FAT3: variants seen among roughly 807,000 people sequenced by gnomAD.
FAT3 encodes FAT atypical cadherin 3, also known as protocadherin Fat 3.
FAT3 carries 95 observed loss-of-function variants against 310.2 expected under a neutral mutation model. The observed-to-expected ratio is 0.31, with a 90% confidence interval of 0.26 to 0.36. FAT3 has a LOEUF of 0.36. FAT3 is among the 10% of genes least tolerant of loss of function. FAT3 has a pLI of 1.00. For synonymous variants in FAT3, 2,314 were observed against 2,192.9 expected (o/e 1.06, Z -1.54); for missense variants, 5,408 against 5,715.6 (o/e 0.95, Z 1.74).
chr11:92,411,390 G>A (rs1024148042), intron 2 of FAT3, among the ~76,000 whole-genome samples: 1 of 151,856 alleles, frequency 6.6e-6, no homozygotes, highest in Non-Finnish European at 1.5e-5. Flanking sequence ...GCCCAGAGAA[G>A]TACAGATGCA....
intron 3 of FAT3, among the ~76,000 whole-genome samples, chr11:92,534,173 G>A (rs1289377862): frequency 6.6e-6 from 1 of 152,068 alleles, no homozygotes; most frequent in Non-Finnish European, 1.5e-5. Flanking sequence ...AGTATGAAGG[G>A]ATGGTGGAAA....
chr11:92,564,663 G>C (rs1311318723), intron 3 of FAT3, among the ~76,000 whole-genome samples: 10 of 152,068 alleles, frequency 6.6e-5, no homozygotes, highest in African/African-American at 9.7e-5. Flanking sequence ...AAATGTAAAA[G>C]AACAGAAGTT....
chr11:92,469,921 T>G (rs1951864738), intron 2 of FAT3, among the ~76,000 whole-genome samples: 1 of 152,206 alleles, frequency 6.6e-6, no homozygotes, highest in Admixed American at 6.5e-5. Context: ...ACTTTAGAGT[T>G]TTGTTTCATT....
intron 13 of FAT3, among the ~76,000 whole-genome samples, chr11:92,829,561 C>G (rs1023387762): frequency 6.6e-6 from 1 of 152,096 alleles, no homozygotes; most frequent in South Asian, 2.1e-4. Context: ...CTATGCAACC[C>G]GTGTGTGTAT....
At chr11:92,367,161 C>A in intron 2 of FAT3, 1 of 384,512 alleles carries the variant, frequency 2.6e-6, no homozygotes, top group South Asian at 2.2e-5. Flanking sequence ...CTGCTGGGCT[C>A]AGGTTGGCAT....
rs764886682 is a variant in FAT3, at chr11:92,867,000, C to G, written c.11918C>G (p.Thr3973Arg). The G allele has an allele frequency of 3.7e-6, 6 of 1,604,650 alleles. No individual in the cohort carries two copies. The highest frequency in any genetic ancestry group is 2.7e-5 in the African/African-American group (2 of 74,798). ...GATAACATCCGCAGCCTGACTGACA[C>G]GCGGGTCACGCAGGTGCTCAGCGGC... ...QADNIRSLTD[T>R]RVTQVLSGFQ... is the part of the protein sequence containing the mutation. Residue 3973 changes from threonine to arginine, a missense_variant, in exon 22 of 28, where the codon ACG becomes AGG. Coordinates refer to ENST00000525166, the MANE Select transcript of FAT3 (RefSeq NM_001367949.2).
At chr11:92,569,091 C>G (rs1955579454) in intron 3 of FAT3, among the ~76,000 whole-genome samples, 2 of 152,106 alleles carry the variant, frequency 1.3e-5, no homozygotes, top group African/African-American at 2.4e-5. Context: ...TGCTTATTTC[C>G]AAGCCCTCTG....
chr11:92,748,107 G>T (rs1008846406), intron 4 of FAT3, among the ~76,000 whole-genome samples: 9 of 152,144 alleles, frequency 5.9e-5, no homozygotes, highest in Non-Finnish European at 1.0e-4. Context: ...CTCAAGGCTG[G>T]GTAATTTATA....
intron 3 of FAT3, among the ~76,000 whole-genome samples, chr11:92,612,959 G>T (rs186815216): frequency 6.6e-6 from 1 of 152,340 alleles, no homozygotes; most frequent in Admixed American, 6.5e-5. Context: ...TGCTATGCCA[G>T]TGTTGGGAGG....
intron 2 of FAT3, among the ~76,000 whole-genome samples, chr11:92,432,505 C>T (rs1025432713): frequency 1.5e-4 from 23 of 152,172 alleles, no homozygotes; most frequent in Admixed American, 1.0e-3. Context: ...AGTTTTTCTT[C>T]TAACAGTCAG....
At chr11:92,655,410 C>A (rs570584212) in intron 3 of FAT3, among the ~76,000 whole-genome samples, 2 of 152,288 alleles carry the variant, frequency 1.3e-5, no homozygotes, top group East Asian at 3.9e-4. Flanking sequence ...CTGGACCTAT[C>A]ACTTTGGGAC....
At chr11:92,313,886 T>G (rs2134464473) in intron 1 of FAT3, among the ~76,000 whole-genome samples, 1 of 152,340 alleles carries the variant, frequency 6.6e-6, no homozygotes. Context: ...GTAAGCCACT[T>G]GGTTTTTACT....
chr11:92,826,352 T>C (rs2136245479), intron 13 of FAT3, among the ~76,000 whole-genome samples: 1 of 152,278 alleles, frequency 6.6e-6, no homozygotes, highest in East Asian at 1.9e-4. Flanking sequence ...AATCTAAACA[T>C]ACTTGTGGTA....
chr11:92,809,992 TC>T lies in FAT3; in HGVS notation c.9398del (p.Ser3133LeufsTer18). The T allele has an allele frequency of 6.2e-7, 1 of 1,613,956 alleles. No individual in the cohort carries two copies. Among genetic ancestry groups the T allele is most frequent in the Non-Finnish European group, 8.5e-7 (1 of 1,179,848 alleles). On this transcript the variant is annotated frameshift_variant, in exon 13 of 28. Coordinates refer to ENST00000525166, the MANE Select transcript of FAT3 (RefSeq NM_001367949.2). LOFTEE classifies it high-confidence loss of function. ...GAATGATAACCCCCCTGTGTTTTCT[TC>T]TGACCACTACAACACCTGTGTCTAT... Reference protein sequence around the residue: ...DVNDNPPVFSSDHYNTCVYEN... With the variant: ...DVNDNPPVFSXDHYNTCVYEN...
At chr11:92,747,182 C>G (rs1945696155) in intron 4 of FAT3, among the ~76,000 whole-genome samples, 1 of 151,548 alleles carries the variant, frequency 6.6e-6, no homozygotes. Flanking sequence ...CAGCAAACTT[C>G]TGCCTGGACA....
chr11:92,775,793 C>A (rs1300472986), intron 7 of FAT3, among the ~76,000 whole-genome samples: 1 of 152,162 alleles, frequency 6.6e-6, no homozygotes, highest in African/African-American at 2.4e-5. Context: ...TTCTGACATG[C>A]AGCCAGGGTC....
chr11:92,431,227 A>G (rs1198652031), intron 2 of FAT3, among the ~76,000 whole-genome samples: 1 of 152,108 alleles, frequency 6.6e-6, no homozygotes, highest in Non-Finnish European at 1.5e-5. Context: ...ATGATATCTC[A>G]TTGTGGTTTT....
At chr11:92,671,531 C>T (rs901749066) in intron 3 of FAT3, among the ~76,000 whole-genome samples, 4 of 152,006 alleles carry the variant, frequency 2.6e-5, no homozygotes, top group African/African-American at 9.7e-5. Context: ...CAGGACTCAC[C>T]TTTAAGGTCT....
intron 23 of FAT3, among the ~76,000 whole-genome samples, 153 bp from the exon 24 acceptor site, chr11:92,882,585 T>TCCCCCCCCCCCCCCCCCCCCCC (rs58520864): frequency 2.1e-5 from 2 of 93,174 alleles, no homozygotes; most frequent in African/African-American, 8.5e-5. Flanking sequence ...TAACTCCCCC[T>TCCCCCCCCCCCCCCCCCCCCCC]CCCCCCCCCC....
Sources: allele counts gnomAD v4.1 joint callset (sites outside exome capture counted in the v4.1 genomes callset), GRCh38; gene constraint gnomAD v4.1.1; transcripts MANE v1.5; gene names NCBI Gene and HGNC (gene_info 2026-07-23, HGNC 2026-07-21).